ZNF793: variants seen among roughly 807,000 people sequenced by gnomAD.
ZNF793 encodes the protein zinc finger protein 793.
ZNF793 carries 5 observed loss-of-function variants against 12.4 expected under a neutral mutation model. That is an observed-to-expected ratio of 0.40 (90% CI 0.21 to 0.84). The LOEUF is 0.84. ZNF793 is among the 40% of genes least tolerant of loss of function. The probability of loss-of-function intolerance (pLI) is 0.35; values close to 1 mark genes in which losing one functional copy is unlikely to be tolerated. For missense variants in ZNF793, 456 were observed against 495.0 expected (o/e 0.92, Z 0.75); for synonymous variants, 162 against 172.4 (o/e 0.94, Z 0.47).
At position 37,537,997 on chromosome 19, in the gene ZNF793, T is replaced by C. The variant is rs1212207931; in HGVS notation, c.*118T>C. On this transcript the variant is annotated 3_prime_UTR_variant, in exon 8 of 8. Transcript: ENST00000627814. ...CGCGATCTCGGCTTACTGCAAGCTC[T>C]GCCTCCCGGGTTCACGCCATTCTCC... 49 of 1,262,848 alleles carry C rather than the reference T, an allele frequency of 3.9e-5. No individual in the cohort carries two copies. Among genetic ancestry groups the C allele is most frequent in the Admixed American group, 1.7e-4 (6 of 34,310 alleles). 78.2% of individuals were successfully genotyped at this position (1,262,848 alleles called of 1,614,324 possible). A position where few individuals can be genotyped will look rare whatever the true frequency, so the allele number is the denominator to read the frequency against.
chr19:37,516,837 G>GA (rs1365770970), intron 2 of ZNF793, among the ~76,000 whole-genome samples: 1 of 152,018 alleles, frequency 6.6e-6, no homozygotes, highest in East Asian at 1.9e-4. Flanking sequence ...GTAGAGATGG[G>GA]GTTTCACCAT....
At chr19:37,525,582 G>A (rs1271179488) in intron 5 of ZNF793, among the ~76,000 whole-genome samples, 2 of 151,126 alleles carry the variant, frequency 1.3e-5, no homozygotes, top group Non-Finnish European at 2.9e-5. Flanking sequence ...GACTACAGGC[G>A]CCCACCATCA....
At chr19:37,529,883 T>G (rs2147095831) in intron 5 of ZNF793, among the ~76,000 whole-genome samples, 1 of 151,990 alleles carries the variant, frequency 6.6e-6, no homozygotes, top group African/African-American at 2.4e-5. Context: ...GAAAGAAAAA[T>G]ACACAAAGTA....
At chr19:37,529,124 TC>T (rs1159057260) in intron 5 of ZNF793, among the ~76,000 whole-genome samples, 1 of 152,188 alleles carries the variant, frequency 6.6e-6, no homozygotes, top group African/African-American at 2.4e-5. Context: ...AGGTGCAGGT[TC>T]TGCTCTTCTT....
chr19:37,521,009 A>G (rs1339052736), intron 3 of ZNF793, among the ~76,000 whole-genome samples: 2 of 143,264 alleles, frequency 1.4e-5, no homozygotes, highest in African/African-American at 5.2e-5. Flanking sequence ...TTTTTTCGAG[A>G]TGAAGTCTCA....
chr19:37,522,877 C>T lies in ZNF793; in HGVS notation c.-31+230C>T, dbSNP rs551554800. Among the ~76,000 whole-genome samples, 13 of 152,210 alleles carry T rather than the reference C, an allele frequency of 8.5e-5. No individual in the cohort carries two copies. The South Asian group carries it at 1.5e-3, about 17-fold the overall frequency. ...TTTCCAAGGCAAAGTTACTTCTTTT[C>T]CTTTTATAATCATTAAATGTCTTGG... is the stretch of plus-strand genomic sequence containing the variant. On this transcript the variant is annotated intron_variant, in intron 4 of 7. Transcript: ENST00000627814.
intron 2 of ZNF793, among the ~76,000 whole-genome samples, chr19:37,512,826 A>G (rs2042304007): frequency 6.6e-6 from 1 of 152,180 alleles, no homozygotes; most frequent in Non-Finnish European, 1.5e-5. Flanking sequence ...AATATCATTT[A>G]TGTTCATTCC....
At chr19:37,507,735 A>G (rs1421873814) in intron 1 of ZNF793, among the ~76,000 whole-genome samples, 1 of 152,080 alleles carries the variant, frequency 6.6e-6, no homozygotes, top group East Asian at 1.9e-4. Flanking sequence ...AGTCGTTGGG[A>G]TATCATTGGC....
intron 6 of ZNF793, 31 bp downstream of exon 6, chr19:37,532,513 T>C (rs2042470090): frequency 2.6e-6 from 4 of 1,535,578 alleles, no homozygotes; most frequent in Non-Finnish European, 3.5e-6. Context: ...CAATGCAGAT[T>C]ATGTTCGAAT....
Position 37,538,928 on chromosome 19 carries a change from G to A in ZNF793, c.*1049G>A, listed in dbSNP as rs1054116975. 1 of 152,094 alleles carries A rather than the reference G, an allele frequency of 6.6e-6. No individual in the cohort carries two copies. Among genetic ancestry groups the A allele is most frequent in the Admixed American group, 6.5e-5 (1 of 15,278 alleles). The allele number at this position is 152,094 out of a possible 1,614,324, so 9.4% of individuals were successfully genotyped here. A position where few individuals can be genotyped will look rare whatever the true frequency, so the allele number is the denominator to read the frequency against. ...CTTTTCCACTTTAAATATCATCATT[G>A]TCTTTTGATGTCTTAACAATACAAA... is the stretch of plus-strand genomic sequence containing the variant. On this transcript the variant is annotated 3_prime_UTR_variant, in exon 8 of 8. Transcript: ENST00000627814.
At chr19:37,534,851 T>C (rs143133863) in intron 7 of ZNF793, 4 of 152,168 alleles carry the variant, frequency 2.6e-5, no homozygotes, top group African/African-American at 7.2e-5. Context: ...ACCTGGCTAA[T>C]TTTCATTTTT....
intron 3 of ZNF793, among the ~76,000 whole-genome samples, chr19:37,520,875 T>C (rs1010811141): frequency 3.3e-5 from 5 of 152,190 alleles, no homozygotes; most frequent in African/African-American, 9.7e-5. Flanking sequence ...ATGGACCTAC[T>C]GTATATAATT....
chr19:37,537,964 T>G lies in ZNF793; in HGVS notation c.*85T>G, dbSNP rs1029859250. The G allele has an allele frequency of 3.5e-6, 5 of 1,411,534 alleles. No individual in the cohort carries two copies. The African/African-American group carries it at 5.9e-5, about 17-fold the overall frequency. The allele number at this position is 1,411,534 out of a possible 1,614,324, so 87.4% of individuals were successfully genotyped here. On this transcript the variant is annotated 3_prime_UTR_variant, in exon 8 of 8. Transcript: ENST00000627814. ...TCTCACTTTGTCACCCAGGCTGGAG[T>G]GCAGTGGCGCGATCTCGGCTTACTG...
At position 37,543,100 on chromosome 19, in the gene ZNF793, A is replaced by G. The variant is rs2042562050; in HGVS notation, c.*5221A>G. The G allele has an allele frequency of 6.6e-6, 1 of 152,168 alleles. No homozygotes were observed. Among genetic ancestry groups the G allele is most frequent in the Non-Finnish European group, 1.5e-5 (1 of 68,028 alleles). The allele number at this position is 152,168 out of a possible 1,614,324, so 9.4% of individuals were successfully genotyped here. A position where few individuals can be genotyped will look rare whatever the true frequency, so the allele number is the denominator to read the frequency against. On this transcript the variant is annotated 3_prime_UTR_variant, in exon 8 of 8. Coordinates refer to ENST00000627814, the MANE Select transcript of ZNF793 (RefSeq NM_001013659.3). ...AAAAGGGAAAATTTCATAATAATGT[A>G]TACGATTCTATTTTTAAAAAAAGTA...
At chr19:37,523,302 T>C (rs915337132) in intron 4 of ZNF793, 108 bp from the exon 5 acceptor site, 2 of 869,950 alleles carry the variant, frequency 2.3e-6, no homozygotes, top group Non-Finnish European at 3.7e-6. Context: ...CATGGATTTT[T>C]GTACAATATT....
intron 2 of ZNF793, among the ~76,000 whole-genome samples, chr19:37,515,173 G>T (rs1245609140): frequency 6.6e-6 from 1 of 152,146 alleles, no homozygotes; most frequent in Non-Finnish European, 1.5e-5. Context: ...AGAAAAAACT[G>T]TATTTGTAGA....
Position 37,539,098 on chromosome 19 carries a change from T to C in ZNF793, c.*1219T>C, listed in dbSNP as rs2042534786. 6.6e-6 allele frequency: 1 copy of C among 152,222 alleles called. No homozygotes were observed. The highest frequency in any genetic ancestry group is 1.5e-5 in the Non-Finnish European group (1 of 68,028). The allele number at this position is 152,222 out of a possible 1,614,324, so 9.4% of individuals were successfully genotyped here. A position where few individuals can be genotyped will look rare whatever the true frequency, so the allele number is the denominator to read the frequency against. On this transcript the variant is annotated 3_prime_UTR_variant, in exon 8 of 8. Transcript: ENST00000627814. Reference sequence around the variant, plus strand: ...TAATAAAGCAGTGTTTTTAAATGTATTTGGATAATTTGGCCAAAAATTTTA... The same window carrying C: ...TAATAAAGCAGTGTTTTTAAATGTACTTGGATAATTTGGCCAAAAATTTTA...
At position 37,536,925 on chromosome 19, in the gene ZNF793, G is replaced by A. The variant is rs755795489; in HGVS notation, c.267G>A (p.Arg89=). The change falls in exon 8 of 8, where the codon AGG becomes AGA. Residue 89 remains arginine (R), a synonymous_variant. Coordinates refer to ENST00000627814, the MANE Select transcript of ZNF793 (RefSeq NM_001013659.3). ...WEDIWRVNIQ[R]KRRQDMLLRP... ...ACATCTGGCGAGTTAATATCCAGAG[G>A]AAAAGACGGCAAGACATGCTTTTGA... is the stretch of plus-strand genomic sequence containing the variant. 9 of 1,611,906 alleles carry A rather than the reference G, an allele frequency of 5.6e-6. No homozygotes were observed. Among genetic ancestry groups the A allele is most frequent in the Non-Finnish European group, 7.6e-6 (9 of 1,179,306 alleles).
At position 37,537,154 on chromosome 19, in the gene ZNF793, T is replaced by C; in HGVS notation, c.496T>C (p.Cys166Arg). Residue 166 changes from cysteine (C) to arginine (R), a missense_variant, in exon 8 of 8, where the codon TGT (cysteine) becomes CGT (arginine). Physicochemically the swap from Cys to Arg is radical, Grantham distance 180. Coordinates refer to ENST00000627814, the MANE Select transcript of ZNF793 (RefSeq NM_001013659.3). ...KRNCAKKQDECYAYGKLLQRI... is the reference protein window; with the variant it reads ...KRNCAKKQDERYAYGKLLQRI... ...AAACTGTGCAAAAAAGCAAGATGAGTGTTATGCTTATGGGAAATTGCTTCA... is the reference window on the plus strand; with the variant it reads ...AAACTGTGCAAAAAAGCAAGATGAGCGTTATGCTTATGGGAAATTGCTTCA... 1 of 1,613,452 alleles carries C rather than the reference T, an allele frequency of 6.2e-7. No individual in the cohort carries two copies. Among genetic ancestry groups the C allele is most frequent in the Non-Finnish European group, 8.5e-7 (1 of 1,179,630 alleles).
Sources: gnomAD v4.1 joint callset for allele counts (sites outside exome capture counted in the v4.1 genomes callset) on GRCh38, gnomAD v4.1.1 for gene constraint, MANE v1.5 for transcripts, NCBI Gene and HGNC (gene_info 2026-07-23, HGNC 2026-07-21) for gene names.